Variants in CEP192 observed in about 807,000 individuals in gnomAD.
CEP192 encodes the protein centrosomal protein 192.
In CEP192, 151 loss-of-function variants were observed where a neutral mutation model predicts 271.8. That is an observed-to-expected ratio of 0.56 (90% CI 0.49 to 0.64). The LOEUF is 0.64. Ranked by LOEUF, CEP192 falls within the 30% of genes least tolerant of loss-of-function variation. CEP192 has a pLI of 0.00. For missense variants in CEP192, 2,910 were observed against 3,020.5 expected (o/e 0.96, Z 0.86); for synonymous variants, 995 against 1,076.5 (o/e 0.92, Z 1.48).
intron 40 of CEP192, among the ~76,000 whole-genome samples, chr18:13,111,371 T>A (rs2040202061): frequency 6.6e-6 from 1 of 152,182 alleles, no homozygotes; most frequent in African/African-American, 2.4e-5. Flanking sequence ...GTGATCCACC[T>A]GCCTTGGCCT....
At chr18:13,010,031 C>T (rs1460195525) in intron 4 of CEP192, among the ~76,000 whole-genome samples, 3 of 151,774 alleles carry the variant, frequency 2.0e-5, no homozygotes, top group East Asian at 1.9e-4. Flanking sequence ...TAGTGCTGTG[C>T]GCCTTTAGTC....
chr18:13,019,124 G>T lies in CEP192; in HGVS notation c.968G>T (p.Gly323Val). Residue 323 changes from glycine to valine, a missense_variant, in exon 9 of 45, where the codon GGT (glycine) becomes GTT (valine). Coordinates refer to ENST00000506447, the MANE Select transcript of CEP192 (RefSeq NM_032142.4). ...GTGDSRRYTD[G>V]MLPFSSGTWG... ...GGAGATAGTAGAAGGTACACAGATG[G>T]TATGTTACCATTTTCCTCTGGTACT... is the stretch of plus-strand genomic sequence containing the variant. 1 of 1,544,644 alleles carries T rather than the reference G, an allele frequency of 6.5e-7. No homozygotes were observed. The highest frequency in any genetic ancestry group is 8.7e-7 in the Non-Finnish European group (1 of 1,143,754).
intron 9 of CEP192, among the ~76,000 whole-genome samples, chr18:13,026,852 G>A (rs1055514706): frequency 4.6e-5 from 7 of 152,146 alleles, no homozygotes; most frequent in African/African-American, 1.2e-4. Context: ...TCTGGCCTGA[G>A]TATACCAACA....
At chr18:13,077,449 C>T (rs1004169257) in intron 30 of CEP192, among the ~76,000 whole-genome samples, 3 of 152,162 alleles carry the variant, frequency 2.0e-5, no homozygotes, top group Non-Finnish European at 4.4e-5. Flanking sequence ...ATAAGGGATA[C>T]TCAACATGTA....
intron 21 of CEP192, among the ~76,000 whole-genome samples, chr18:13,064,877 A>G (rs1373975122): frequency 6.6e-6 from 1 of 152,056 alleles, no homozygotes; most frequent in Non-Finnish European, 1.5e-5. Context: ...GGTAGTATGG[A>G]CGTTTTAACA....
intron 30 of CEP192, among the ~76,000 whole-genome samples, chr18:13,080,601 C>T (rs1050945916): frequency 5.9e-5 from 9 of 152,150 alleles, no homozygotes; most frequent in African/African-American, 1.7e-4. Flanking sequence ...AATTTGACTT[C>T]CTCTTTTCCT....
At chr18:13,053,167 C>CTGT in intron 18 of CEP192, 77 bp downstream of exon 18, 4 of 1,192,664 alleles carry the variant, frequency 3.4e-6, no homozygotes, top group Non-Finnish European at 4.7e-6. Context: ...ATTCAGACTA[C>CTGT]AGTTCAAGCC....
chr18:13,053,265 C>A (rs568227512), intron 18 of CEP192, among the ~76,000 whole-genome samples, 175 bp downstream of exon 18: 24 of 152,250 alleles, frequency 1.6e-4, no homozygotes, highest in Admixed American at 1.0e-3. Context: ...CTGGTAGACA[C>A]AGAGGTACAA....
chr18:13,027,393 A>T (rs1042351683), intron 9 of CEP192, among the ~76,000 whole-genome samples: 2 of 152,152 alleles, frequency 1.3e-5, no homozygotes, highest in African/African-American at 4.8e-5. Context: ...CATGGGGCCC[A>T]CCTATGACTG....
intron 30 of CEP192, among the ~76,000 whole-genome samples, chr18:13,078,906 G>T (rs1438459171): frequency 6.6e-6 from 1 of 152,080 alleles, no homozygotes; most frequent in African/African-American, 2.4e-5. Flanking sequence ...CTGACCTTGT[G>T]ATAGTTTGCT....
At position 12,998,623 on chromosome 18, in the gene CEP192, C is replaced by T. The variant is rs529937276; in HGVS notation, c.-4-798C>T. Among the ~76,000 whole-genome samples, 262 of 152,340 alleles carry T rather than the reference C, an allele frequency of 1.7e-3. 1 individual carries two copies. Among genetic ancestry groups the T allele is most frequent in the Non-Finnish European group, 3.1e-3 (211 of 68,032 alleles). On this transcript the variant is annotated intron_variant, in intron 1 of 44. Transcript: ENST00000506447. ...TAAATAAACTCTCTCATCCCATACTCTGCCTATAAAAGTTCTTCTCAGTCT... is the reference window on the plus strand; with the variant it reads ...TAAATAAACTCTCTCATCCCATACTTTGCCTATAAAAGTTCTTCTCAGTCT...
chr18:13,001,661 G>T, intron 3 of CEP192, 79 bp downstream of exon 3: 1 of 1,307,580 alleles, frequency 7.6e-7, no homozygotes, highest in Non-Finnish European at 1.0e-6. Context: ...CAATGTGATT[G>T]TGTATGTAAT....
At chr18:13,067,468 A>G (rs1044974232) in intron 21 of CEP192, among the ~76,000 whole-genome samples, 1 of 152,208 alleles carries the variant, frequency 6.6e-6, no homozygotes, top group African/African-American at 2.4e-5. Context: ...TTAAATCTGA[A>G]AATGCCAAGA....
chr18:13,005,360 G>A (rs916188926), intron 3 of CEP192, among the ~76,000 whole-genome samples: 8 of 152,166 alleles, frequency 5.3e-5, no homozygotes, highest in African/African-American at 1.7e-4. Context: ...GGGCTGTGCA[G>A]TCTTAAGGGG....
intron 9 of CEP192, among the ~76,000 whole-genome samples, chr18:13,029,358 A>C (rs2035483868): frequency 6.6e-6 from 1 of 152,172 alleles, no homozygotes; most frequent in Admixed American, 6.5e-5. Flanking sequence ...GTAATGATAA[A>C]AGTTGGGCTG....
intron 3 of CEP192, among the ~76,000 whole-genome samples, chr18:13,004,483 G>A (rs891172818): frequency 6.6e-6 from 1 of 152,086 alleles, no homozygotes; most frequent in African/African-American, 2.4e-5. Context: ...GTAGGACTGC[G>A]GACAGTTCCC....
rs750503565 is a variant in CEP192 at position 13,096,295 on chromosome 18, G to T, written c.6545G>T (p.Cys2182Phe). The T allele has an allele frequency of 3.1e-6, 5 of 1,613,398 alleles. No individual in the cohort carries two copies. Among genetic ancestry groups the T allele is most frequent in the African/African-American group, 1.3e-5 (1 of 74,922 alleles). The change falls in exon 36 of 45, where the codon TGT becomes TTT. Residue 2182 changes from cysteine to phenylalanine, a missense_variant. Transcript: ENST00000506447. ...CTCACAGTCACGCCGCAGCATGGAT[G>T]TGTCGCGCCAGAGTAAGTCTGACTT... ...HCLTVTPQHG[C>F]VAPESKLQIL...
intron 15 of CEP192, among the ~76,000 whole-genome samples, chr18:13,047,982 TATAATTAA>T (rs538404362): frequency 8.3e-4 from 127 of 152,348 alleles, no homozygotes; most frequent in African/African-American, 3.0e-3. Context: ...CCTGGTACTA[TATAATTAA>T]AGTTGATAGC....
At chr18:13,007,498 C>T (rs1421531567) in intron 3 of CEP192, among the ~76,000 whole-genome samples, 1 of 152,116 alleles carries the variant, frequency 6.6e-6, no homozygotes, top group Admixed American at 6.5e-5. Context: ...ACTGTCCTGA[C>T]TTGTTTATTT....
Sources: gnomAD v4.1 joint callset for allele counts (sites outside exome capture counted in the v4.1 genomes callset) on GRCh38, gnomAD v4.1.1 for gene constraint, MANE v1.5 for transcripts, NCBI Gene and HGNC (gene_info 2026-07-23, HGNC 2026-07-21) for gene names.